WDFY4: variants seen among roughly 807,000 people sequenced by gnomAD.
WDFY4 encodes the protein WDFY family member 4.
In WDFY4, 169 loss-of-function variants were observed where a neutral mutation model predicts 351.9. The ratio of observed to expected loss-of-function variants is 0.48; its 90% CI spans 0.42 to 0.55. The LOEUF (loss-of-function observed/expected upper bound fraction) is 0.55, where lower values mean the gene tolerates loss of function less well. WDFY4 is among the 20% of genes least tolerant of loss of function. The pLI is 0.00. For missense variants in WDFY4, 3,803 were observed against 3,935.6 expected (o/e 0.97, Z 0.90); for synonymous variants, 1,622 against 1,574.6 (o/e 1.03, Z -0.71).
intron 35 of WDFY4, chr10:48,823,639 A>G: frequency 9.9e-7 from 1 of 1,007,598 alleles, no homozygotes; most frequent in Non-Finnish European, 1.2e-6. Context: ...GGTTAAAATC[A>G]GATTCCTGGC....
In WDFY4 at chr10:48,774,780, A is replaced by G; in HGVS notation, c.2768+108A>G. 5 of 1,342,922 alleles carry G rather than the reference A, an allele frequency of 3.7e-6. No individual in the cohort carries two copies. The South Asian group carries it at 6.3e-5, about 17-fold the overall frequency. The allele number at this position is 1,342,922 out of a possible 1,614,324, so 83.2% of individuals were successfully genotyped here. A position where few individuals can be genotyped will look rare whatever the true frequency, so the allele number is the denominator to read the frequency against. ...GAGACTGCAGGGACAGATGGAGGGCACGGCTCTGTCCTGGCATTCAAGGCT... is the reference window on the plus strand; with the variant it reads ...GAGACTGCAGGGACAGATGGAGGGCGCGGCTCTGTCCTGGCATTCAAGGCT... On this transcript the variant is annotated intron_variant, in intron 14 of 61. Coordinates refer to ENST00000325239, the MANE Select transcript of WDFY4 (RefSeq NM_001394531.1).
chr10:48,824,479 C>T lies in WDFY4; in HGVS notation c.5982+1942C>T, dbSNP rs1371497150. 1.2e-4 allele frequency among the ~76,000 whole-genome samples: 18 copies of T among 152,134 alleles called. 1 individual carries two copies. Among genetic ancestry groups the T allele is most frequent in the Admixed American group, 1.1e-3 (17 of 15,264 alleles). ...CATGTTACCATTATTTCAGAAATCTCGGGTCACCAAATCTATTTTCTGTAA... is the reference window on the plus strand; with the variant it reads ...CATGTTACCATTATTTCAGAAATCTTGGGTCACCAAATCTATTTTCTGTAA... On this transcript the variant is annotated intron_variant, in intron 35 of 61. Coordinates refer to ENST00000325239, the MANE Select transcript of WDFY4 (RefSeq NM_001394531.1).
In WDFY4 at chr10:48,895,999, G is replaced by A. The variant is rs7079473; in HGVS notation, c.7317-1455G>A. 2.1e-3 allele frequency among the ~76,000 whole-genome samples: 319 copies of A among 152,304 alleles called. 4 individuals carry two copies. The highest frequency in any genetic ancestry group is 2.6e-3 in the Non-Finnish European group (175 of 68,022). ...ATTGCTTCTCACTGCTCCAGGCCTG[G>A]CCTGGGAATTTTAAGATGCACTCCC... is the stretch of plus-strand genomic sequence containing the variant. On this transcript the variant is annotated intron_variant, in intron 44 of 61. Coordinates refer to ENST00000325239, the MANE Select transcript of WDFY4 (RefSeq NM_001394531.1).
At chr10:48,710,240 A>C (rs1036720907) in intron 2 of WDFY4, among the ~76,000 whole-genome samples, 1 of 152,220 alleles carries the variant, frequency 6.6e-6, no homozygotes, top group Non-Finnish European at 1.5e-5. Flanking sequence ...TTTCTGGCTC[A>C]TAGAAGGTGC....
Position 48,743,088 on chromosome 10 carries a change from C to A in WDFY4, c.1999C>A (p.Gln667Lys), listed in dbSNP as rs756829228. 6.4e-6 allele frequency: 10 copies of A among 1,551,604 alleles called. No homozygotes were observed. Among genetic ancestry groups the A allele is most frequent in the Middle Eastern group, 1.7e-4 (1 of 6,014 alleles). The change falls in exon 12 of 62, where the codon CAG becomes AAG. Residue 667 changes from glutamine (Q) to lysine (K), a missense_variant. Gln to Lys is a moderately conservative substitution (Grantham distance 53). This residue lies in a region of WDFY4 where 3,054 missense variants were observed against 3,148.6 expected (regional missense o/e 0.97). Transcript: ENST00000325239. ...LEGSLQEPPL[Q>K]AWGAVSPRQT... ...AGGCTCCCTCCAGGAGCCCCCGCTG[C>A]AGGCATGGGGAGCAGTATCCCCCAG...
Position 48,865,233 on chromosome 10 carries a change from A to T in WDFY4, c.6664-2032A>T, listed in dbSNP as rs553880924. ...TAGTTACCCTTTATGAGATTGAGAAAATTCTTTTTCCCCACCCAGTTGGTT... is the reference window on the plus strand; with the variant it reads ...TAGTTACCCTTTATGAGATTGAGAATATTCTTTTTCCCCACCCAGTTGGTT... On this transcript the variant is annotated intron_variant, in intron 39 of 61. Transcript: ENST00000325239. Among the ~76,000 whole-genome samples the T allele has an allele frequency of 3.7e-4, 57 of 152,208 alleles. 1 individual carries two copies. The highest frequency in any genetic ancestry group is 1.4e-3 in the African/African-American group (57 of 41,550).
Position 48,946,945 on chromosome 10 carries a change from C to A in WDFY4, c.7953C>A (p.Phe2651Leu). 1 of 1,551,622 alleles carries A rather than the reference C, an allele frequency of 6.4e-7. No homozygotes were observed. Among genetic ancestry groups the A allele is most frequent in the South Asian group, 1.2e-5 (1 of 84,046 alleles). ...CCTACCTGGTCCGGATGCCACCCTT[C>A]ACCCAGGCCTTCTGCGCTCTGCAGG... ...VASYLVRMPPFTQAFCALQGG... is the reference protein window; with the variant it reads ...VASYLVRMPPLTQAFCALQGG... The change falls in exon 51 of 62, where the codon TTC becomes TTA. Residue 2651 changes from phenylalanine to leucine, a missense_variant. This residue lies in a region of WDFY4 where 3,054 missense variants were observed against 3,148.6 expected (regional missense o/e 0.97). Coordinates refer to ENST00000325239, the MANE Select transcript of WDFY4 (RefSeq NM_001394531.1).
chr10:48,693,262 G>C (rs2063243566), intron 1 of WDFY4, among the ~76,000 whole-genome samples: 1 of 152,152 alleles, frequency 6.6e-6, no homozygotes, highest in African/African-American at 2.4e-5. Context: ...TGACAGTGTG[G>C]GGTGGATGGG....
intron 53 of WDFY4, among the ~76,000 whole-genome samples, chr10:48,963,529 C>T (rs966512356): frequency 3.3e-5 from 5 of 152,198 alleles, no homozygotes; most frequent in African/African-American, 9.6e-5. Context: ...AGCCTTGTCT[C>T]TTCCATTTAG....
intron 57 of WDFY4, among the ~76,000 whole-genome samples, chr10:48,971,709 C>A (rs1842345429): frequency 6.6e-6 from 1 of 152,154 alleles, no homozygotes; most frequent in Non-Finnish European, 1.5e-5. Context: ...GGGCACTCAG[C>A]AAATGTGAGG....
chr10:48,791,120 G>C (rs2066663824), intron 23 of WDFY4, among the ~76,000 whole-genome samples: 1 of 152,250 alleles, frequency 6.6e-6, no homozygotes. Context: ...CTCTGCTCAG[G>C]ATGAGGATGC....
intron 11 of WDFY4, among the ~76,000 whole-genome samples, chr10:48,740,519 T>A (rs2064818440): frequency 6.6e-6 from 1 of 152,236 alleles, no homozygotes; most frequent in Non-Finnish European, 1.5e-5. Flanking sequence ...CTTGCCCAAC[T>A]TAAGCCATGA....
chr10:48,941,702 C>T (rs2133759312), intron 47 of WDFY4, 104 bp from the exon 48 acceptor site: 1 of 1,217,402 alleles, frequency 8.2e-7, no homozygotes, highest in Non-Finnish European at 1.2e-6. Flanking sequence ...CTGCAGCTTT[C>T]CTGAACACCC....
In WDFY4 at chr10:48,760,378, C is replaced by T; in HGVS notation, c.2491C>T (p.Pro831Ser). The part of the protein sequence containing the change: ...MDEGDAAIMH[P>S]GVVCIMVRLL... ...TGAGGGAGATGCTGCAATCATGCAT[C>T]CCGGGGTCGTGTGCATCATGGTGAG... The change falls in exon 13 of 62, where the codon CCC (proline) becomes TCC (serine). Residue 831 changes from proline (P) to serine (S), a missense_variant. By Grantham distance (74) the Pro-to-Ser change is moderately conservative. This residue lies in a region of WDFY4 where 3,054 missense variants were observed against 3,148.6 expected (regional missense o/e 0.97). Transcript: ENST00000325239. 6.4e-7 allele frequency: 1 copy of T among 1,551,676 alleles called. No homozygotes were observed. Among genetic ancestry groups the T allele is most frequent in the Non-Finnish European group, 8.7e-7 (1 of 1,146,986 alleles).
chr10:48,749,514 C>G (rs1236146465), intron 12 of WDFY4, among the ~76,000 whole-genome samples: 4 of 152,080 alleles, frequency 2.6e-5, no homozygotes, highest in Non-Finnish European at 5.9e-5. Context: ...ACGACACACA[C>G]AAATACCACA....
At chr10:48,976,712 G>A in intron 58 of WDFY4, 85 bp from the exon 59 acceptor site, 1 of 1,227,624 alleles carries the variant, frequency 8.1e-7, no homozygotes, top group East Asian at 3.1e-5. Flanking sequence ...GAGAGTACTT[G>A]GGTGTACCAA....
intron 47 of WDFY4, among the ~76,000 whole-genome samples, chr10:48,939,780 C>T (rs1256400397): frequency 2.0e-5 from 3 of 152,162 alleles, no homozygotes; most frequent in East Asian, 1.9e-4. Context: ...CTGGTAATGG[C>T]GTCTTTCTCT....
intron 12 of WDFY4, among the ~76,000 whole-genome samples, chr10:48,759,403 C>T (rs1365612120): frequency 6.6e-6 from 1 of 152,162 alleles, no homozygotes; most frequent in East Asian, 1.9e-4. Context: ...CCCTGTGTCA[C>T]TGGTATCTGT....
At chr10:48,838,507 C>T (rs548086847) in intron 39 of WDFY4, among the ~76,000 whole-genome samples, 2 of 151,916 alleles carry the variant, frequency 1.3e-5, no homozygotes, top group East Asian at 1.9e-4. Context: ...CTGAGGTCCT[C>T]GGTGAGGGAA....
Sources: allele counts gnomAD v4.1 joint callset (sites outside exome capture counted in the v4.1 genomes callset), GRCh38; gene constraint gnomAD v4.1.1; regional missense constraint gnomAD v4.1.1; transcripts MANE v1.5; gene names NCBI Gene and HGNC (gene_info 2026-07-23, HGNC 2026-07-21).